Variants in NUP98 observed in about 807,000 individuals in gnomAD.
NUP98 encodes nucleoporin 98 and 96 precursor, also known as nuclear pore complex protein Nup98-Nup96.
In NUP98, 26 loss-of-function variants were observed where a neutral mutation model predicts 191.9. The ratio of observed to expected loss-of-function variants is 0.14; its 90% confidence interval spans 0.10 to 0.19. The LOEUF (loss-of-function observed/expected upper bound fraction) is 0.19, where lower values mean the gene tolerates loss of function less well. Among genes scored for constraint, NUP98 ranks in the 10% least tolerant of loss-of-function variants. The pLI is 1.00. For synonymous variants in NUP98, 808 were observed against 778.4 expected (o/e 1.04, Z -0.63); for missense variants, 1,941 against 2,178.8 (o/e 0.89, Z 2.17).
chr11:3,699,472 G>C, intron 24 of NUP98, 124 bp from the exon 25 acceptor site: 1 of 1,026,764 alleles, frequency 9.7e-7, no homozygotes, highest in Non-Finnish European at 1.4e-6. Flanking sequence ...AACCACTCAA[G>C]CTGATTACCC....
intron 15 of NUP98, 53 bp from the exon 16 acceptor site, chr11:3,723,508 A>T: frequency 6.8e-7 from 1 of 1,470,570 alleles, no homozygotes; most frequent in Non-Finnish European, 9.4e-7. Context: ...AATAACAATG[A>T]TAATAGCTAA....
In NUP98 at chr11:3,700,761, T is replaced by C. The variant is rs1045680820; in HGVS notation, c.3591A>G (p.Leu1197=). 6.8e-6 allele frequency: 11 copies of C among 1,614,198 alleles called. No individual in the cohort carries two copies. The Middle Eastern group carries it at 1.2e-3, about 169-fold the overall frequency. Residue 1197 remains leucine, a synonymous_variant, in exon 24 of 33, where the codon TTA becomes TTG. Coordinates refer to ENST00000324932, the MANE Select transcript of NUP98 (RefSeq NM_016320.5). ...ATTTGAGCTCCAGAGGTGTCTGATA[T>C]AATTTCATGTCTTCATCTGGCTTTC... ...RQRKPDEDMK[L]YQTPLELKLK...
In NUP98 at chr11:3,748,206, T is replaced by C. The variant is rs186319661; in HGVS notation, c.1268-3557A>G. On this transcript the variant is annotated intron_variant, in intron 11 of 32. Transcript: ENST00000324932. The stretch of plus-strand genomic sequence containing the variant: ...AAAAGAATTATAGAGTCTTGGAATA[T>C]GGGGGAAGACATTGCTAATCATAAC... 3.8e-3 allele frequency among the ~76,000 whole-genome samples: 572 copies of C among 152,226 alleles called. 1 individual carries two copies. The highest frequency in any genetic ancestry group is 0.013 in the African/African-American group (547 of 41,544).
At chr11:3,745,425 A>G (rs1205913512) in intron 11 of NUP98, among the ~76,000 whole-genome samples, 1 of 152,108 alleles carries the variant, frequency 6.6e-6, no homozygotes, top group Non-Finnish European at 1.5e-5. Flanking sequence ...CTAAGAACTC[A>G]TTTTCACCAG....
rs949098685 is a variant in NUP98 at position 3,765,285 on chromosome 11, T to C, written c.949-2246A>G. Reference sequence around the variant, plus strand: ...GCCACGATCATAGTGCACCACAGCTTCTAACTCATGACCTCAATGATTCCC... The same window carrying C: ...GCCACGATCATAGTGCACCACAGCTCCTAACTCATGACCTCAATGATTCCC... On this transcript the variant is annotated intron_variant, in intron 8 of 32. Transcript: ENST00000324932. 2.0e-5 allele frequency among the ~76,000 whole-genome samples: 3 copies of C among 152,286 alleles called. No individual in the cohort carries two copies. The South Asian group carries it at 6.2e-4, about 32-fold the overall frequency.
intron 10 of NUP98, among the ~76,000 whole-genome samples, chr11:3,759,015 TGATA>T (rs2081073573): frequency 6.6e-6 from 1 of 152,230 alleles, no homozygotes; most frequent in East Asian, 1.9e-4. Flanking sequence ...TTCCTGTAGT[TGATA>T]AACATATTAA....
chr11:3,786,726 G>A (rs1215997444), intron 1 of NUP98, among the ~76,000 whole-genome samples: 1 of 152,160 alleles, frequency 6.6e-6, no homozygotes, highest in Non-Finnish European at 1.5e-5. Flanking sequence ...TGATCTCTGT[G>A]AACTCTGGGT....
intron 18 of NUP98, among the ~76,000 whole-genome samples, chr11:3,715,892 C>A (rs984530354): frequency 6.6e-6 from 1 of 152,202 alleles, no homozygotes; most frequent in Admixed American, 6.5e-5. Context: ...CAGGCATAAG[C>A]CACTGCACCC....
intron 18 of NUP98, among the ~76,000 whole-genome samples, chr11:3,719,191 T>C (rs1354407489): frequency 1.3e-5 from 2 of 151,096 alleles, no homozygotes; most frequent in African/African-American, 4.9e-5. Context: ...ATCCAAGGAA[T>C]GTAAAAAAAT....
chr11:3,685,383 G>C (rs4600243), intron 29 of NUP98, among the ~76,000 whole-genome samples: 1 of 151,986 alleles, frequency 6.6e-6, no homozygotes, highest in Non-Finnish European at 1.5e-5. Context: ...AAGCAAGCCA[G>C]TGGACACAGA....
At position 3,705,180 on chromosome 11, in the gene NUP98, T is replaced by C. The variant is rs369822912; in HGVS notation, c.3082+20A>G. On this transcript the variant is annotated intron_variant, in intron 22 of 32. Coordinates refer to ENST00000324932, the MANE Select transcript of NUP98 (RefSeq NM_016320.5). The stretch of plus-strand genomic sequence containing the variant: ...ATGACTGTACAGCTTTCTTGTAAAA[T>C]AGCATCTTTTATACTGTACCTAGTG... 39 of 1,612,168 alleles carry C rather than the reference T, an allele frequency of 2.4e-5. No individual in the cohort carries two copies. In the South Asian group the frequency reaches 3.5e-4, roughly 15 times the overall value.
At chr11:3,788,620 A>G (rs1185705357) in intron 1 of NUP98, among the ~76,000 whole-genome samples, 1 of 151,988 alleles carries the variant, frequency 6.6e-6, no homozygotes, top group Non-Finnish European at 1.5e-5. Flanking sequence ...TAAATTTCTA[A>G]AAGTGAAAGG....
chr11:3,685,071 T>A (rs1391951969), intron 29 of NUP98, among the ~76,000 whole-genome samples: 1 of 152,240 alleles, frequency 6.6e-6, no homozygotes, highest in East Asian at 1.9e-4. Context: ...TAACAGTGTC[T>A]ATCTCACAGG....
At chr11:3,763,928 T>A (rs1260097835) in intron 8 of NUP98, among the ~76,000 whole-genome samples, 1 of 152,224 alleles carries the variant, frequency 6.6e-6, no homozygotes, top group Non-Finnish European at 1.5e-5. Context: ...TACTTATGCA[T>A]TAATAAAGGA....
intron 10 of NUP98, among the ~76,000 whole-genome samples, chr11:3,754,772 C>T (rs1046294202): frequency 6.6e-6 from 1 of 151,814 alleles, no homozygotes; most frequent in African/African-American, 2.4e-5. Flanking sequence ...AGAAACCCCA[C>T]CTCTACTAAA....
At chr11:3,746,112 A>C (rs2080481866) in intron 11 of NUP98, among the ~76,000 whole-genome samples, 1 of 151,940 alleles carries the variant, frequency 6.6e-6, no homozygotes, top group Non-Finnish European at 1.5e-5. Context: ...TCTACTAAAA[A>C]TACAAAAATT....
Position 3,683,419 on chromosome 11 carries a change from C to G in NUP98, c.4699G>C (p.Glu1567Gln), listed in dbSNP as rs750956462. The G allele has an allele frequency of 6.2e-7, 1 of 1,614,006 alleles. No individual in the cohort carries two copies. Among genetic ancestry groups the G allele is most frequent in the East Asian group, 2.2e-5 (1 of 44,890 alleles). The change falls in exon 30 of 33, where the codon GAG (glutamate) becomes CAG (glutamine). Residue 1567 changes from glutamate (E) to glutamine (Q), a missense_variant. Coordinates refer to ENST00000324932, the MANE Select transcript of NUP98 (RefSeq NM_016320.5). ...AGCTGGCAGTGCCGGGTAAGCAGCTCTCGAACAGCCTTCTCACGTATGCTA... is the reference window on the plus strand; with the variant it reads ...AGCTGGCAGTGCCGGGTAAGCAGCTGTCGAACAGCCTTCTCACGTATGCTA... ...NSGIREKAVR[E>Q]LLTRHCQLLE...
Position 3,720,562 on chromosome 11 carries a change from T to C in NUP98, c.2260+150A>G. On this transcript the variant is annotated intron_variant, in intron 17 of 32. Coordinates refer to ENST00000324932, the MANE Select transcript of NUP98 (RefSeq NM_016320.5). The stretch of plus-strand genomic sequence containing the variant: ...TTACATGGTTCCAGTCTTTCTTGTT[T>C]TGTTACTTATCAATCAAAGTATTTA... 8.8e-6 allele frequency: 4 copies of C among 455,460 alleles called. No individual in the cohort carries two copies. In the East Asian group the frequency reaches 1.4e-4, roughly 16 times the overall value. 28.2% of individuals were successfully genotyped at this position (455,460 alleles called of 1,614,324 possible).
chr11:3,755,997 AG>A (rs1196452272), intron 10 of NUP98, among the ~76,000 whole-genome samples: 1 of 152,162 alleles, frequency 6.6e-6, no homozygotes, highest in Non-Finnish European at 1.5e-5. Context: ...AATCCAATCA[AG>A]TAACCTGACT....
Sources: gnomAD v4.1 joint callset for allele counts (sites outside exome capture counted in the v4.1 genomes callset) on GRCh38, gnomAD v4.1.1 for gene constraint, MANE v1.5 for transcripts, NCBI Gene and HGNC (gene_info 2026-07-23, HGNC 2026-07-21) for gene names.